MED13: variants seen among roughly 807,000 people sequenced by gnomAD.
MED13 encodes mediator of RNA polymerase II transcription subunit 13.
MED13 carries 23 observed loss-of-function variants against 225.2 expected under a neutral mutation model. The observed-to-expected ratio is 0.10, with a 90% CI of 0.07 to 0.14. MED13 has a LOEUF of 0.14. Among genes scored for constraint, MED13 ranks in the 10% least tolerant of loss-of-function variants. MED13 has a pLI of 1.00. For synonymous variants in MED13, 942 were observed against 889.2 expected (o/e 1.06, Z -1.06); for missense variants, 2,197 against 2,594.5 (o/e 0.85, Z 3.33).
intron 3 of MED13, among the ~76,000 whole-genome samples, chr17:62,050,360 GAA>G (rs555050127): frequency 2.9e-5 from 3 of 102,100 alleles, no homozygotes. Flanking sequence ...CTCCGTATCA[GAA>G]AAAAAAAAAA....
intron 16 of MED13, among the ~76,000 whole-genome samples, chr17:61,979,048 A>C (rs2143441975): frequency 6.6e-6 from 1 of 152,330 alleles, no homozygotes; most frequent in Non-Finnish European, 1.5e-5. Flanking sequence ...AAATTTCAAG[A>C]ATTAACCAAT....
chr17:62,041,682 T>C (rs2080854177), intron 3 of MED13, among the ~76,000 whole-genome samples: 2 of 152,142 alleles, frequency 1.3e-5, no homozygotes, highest in Non-Finnish European at 2.9e-5. Flanking sequence ...GCTCAAGCGA[T>C]TTTCCTGCCT....
intron 3 of MED13, among the ~76,000 whole-genome samples, chr17:62,038,173 T>C (rs1013187412): frequency 6.6e-6 from 1 of 151,800 alleles, no homozygotes; most frequent in Admixed American, 6.6e-5. Context: ...GCAAGAGGAG[T>C]TGGGCTTGAG....
At chr17:61,992,705 G>C in intron 10 of MED13, 84 bp from the exon 11 acceptor site, 1 of 890,486 alleles carries the variant, frequency 1.1e-6, no homozygotes, top group South Asian at 1.4e-5. Flanking sequence ...CTGTGTGTCA[G>C]GCATCCAGCT....
Position 61,972,901 on chromosome 17 carries a change from T to G in MED13, c.3806-13A>C, listed in dbSNP as rs188718012. 1 of 1,560,564 alleles carries G rather than the reference T, an allele frequency of 6.4e-7. No homozygotes were observed. The highest frequency in any genetic ancestry group is 2.3e-5 in the East Asian group (1 of 44,304). Reference sequence around the variant, plus strand: ...TGCATACTCACATCTACAAGCATTTTAAAAAAAACAAGTAATTAAGAATTG... The same window carrying G: ...TGCATACTCACATCTACAAGCATTTGAAAAAAAACAAGTAATTAAGAATTG... On this transcript the variant is annotated splice_polypyrimidine_tract_variant and intron_variant, in intron 16 of 29. Transcript: ENST00000397786.
At chr17:62,059,503 C>T (rs2081021362) in intron 2 of MED13, among the ~76,000 whole-genome samples, 1 of 152,196 alleles carries the variant, frequency 6.6e-6, no homozygotes, top group Non-Finnish European at 1.5e-5. Context: ...AATTAACCAG[C>T]TTTTTAGTTA....
chr17:61,998,157 A>G (rs1241128376), intron 9 of MED13, among the ~76,000 whole-genome samples: 1 of 152,218 alleles, frequency 6.6e-6, no homozygotes, highest in East Asian at 1.9e-4. Flanking sequence ...TCTAATTACC[A>G]TACTGTCAAC....
intron 5 of MED13, 103 bp downstream of exon 5, chr17:62,033,684 T>C (rs558373259): frequency 9.2e-7 from 1 of 1,090,440 alleles, no homozygotes; most frequent in African/African-American, 1.6e-5. Context: ...ATCTTTGGTG[T>C]TGAAAGCCAC....
At chr17:62,049,495 A>C (rs1241362937) in intron 3 of MED13, among the ~76,000 whole-genome samples, 1 of 152,196 alleles carries the variant, frequency 6.6e-6, no homozygotes, top group Admixed American at 6.5e-5. Context: ...TCAATGAATG[A>C]GCATGGCTGT....
At chr17:62,050,243 A>T (rs533417408) in intron 3 of MED13, among the ~76,000 whole-genome samples, 149 of 152,076 alleles carry the variant, frequency 9.8e-4, no homozygotes, top group Non-Finnish European at 1.8e-3. Flanking sequence ...CTGTAATCCC[A>T]GCTACTCAGG....
chr17:62,027,725 A>T (rs1603404751), intron 8 of MED13, among the ~76,000 whole-genome samples: 1 of 152,234 alleles, frequency 6.6e-6, no homozygotes, highest in South Asian at 2.1e-4. Flanking sequence ...TTAAATTTAT[A>T]TATAAAAAAA....
chr17:61,954,689 A>G (rs2079926660), intron 26 of MED13, among the ~76,000 whole-genome samples: 2 of 152,326 alleles, frequency 1.3e-5, no homozygotes, highest in South Asian at 4.1e-4. Context: ...AGGCACGAGC[A>G]TCGCTTGAAC....
intron 8 of MED13, among the ~76,000 whole-genome samples, chr17:62,018,863 T>C (rs547313946): frequency 1.3e-5 from 2 of 152,338 alleles, no homozygotes; most frequent in Admixed American, 1.3e-4. Flanking sequence ...GAGATGAGTA[T>C]ATATAACAAA....
chr17:62,019,404 G>A (rs929859277), intron 8 of MED13, among the ~76,000 whole-genome samples: 6 of 152,046 alleles, frequency 3.9e-5, no homozygotes, highest in African/African-American at 1.2e-4. Flanking sequence ...TGTAATAAAC[G>A]TACTTTGCAG....
chr17:61,951,472 C>T (rs1233252552), intron 27 of MED13, among the ~76,000 whole-genome samples: 1 of 152,010 alleles, frequency 6.6e-6, no homozygotes, highest in East Asian at 1.9e-4. Flanking sequence ...AAGTCACATG[C>T]ATATCCTTTG....
intron 9 of MED13, chr17:62,005,135 T>C (rs945820797): frequency 2.0e-5 from 3 of 152,156 alleles, no homozygotes; most frequent in African/African-American, 7.2e-5. Flanking sequence ...CTTCAGGTGA[T>C]CCACCCGCGT....
At chr17:61,995,524 A>G (rs2080339854) in intron 9 of MED13, among the ~76,000 whole-genome samples, 159 bp from the exon 10 acceptor site, 1 of 152,234 alleles carries the variant, frequency 6.6e-6, no homozygotes, top group Non-Finnish European at 1.5e-5. Context: ...TAAATAATTT[A>G]TTGAAGTCTA....
chr17:61,946,746 T>C (rs1372356461), intron 29 of MED13, 146 bp from the exon 30 acceptor site: 9 of 1,160,344 alleles, frequency 7.8e-6, no homozygotes, highest in African/African-American at 1.6e-5. Context: ...GCAATTTCCA[T>C]AAAAATTATT....
Position 61,991,068 on chromosome 17 carries a change from G to A in MED13, c.2263+1472C>T, listed in dbSNP as rs151317318. On this transcript the variant is annotated intron_variant, in intron 11 of 29. Coordinates refer to ENST00000397786, the MANE Select transcript of MED13 (RefSeq NM_005121.3). ...AACATTTTACTCCTATTTATTCTAT[G>A]TCACAACACAATCATAGTTGAGCTT... Among the ~76,000 whole-genome samples, 996 of 152,186 alleles carry A rather than the reference G, an allele frequency of 6.5e-3. 5 individuals carry two copies. The highest frequency in any genetic ancestry group is 0.034 in the Middle Eastern group (10 of 294).
Sources: gnomAD v4.1 joint callset for allele counts (sites outside exome capture counted in the v4.1 genomes callset) on GRCh38, gnomAD v4.1.1 for gene constraint, MANE v1.5 for transcripts, NCBI Gene and HGNC (gene_info 2026-07-23, HGNC 2026-07-21) for gene names.